The following WDR7 variants were observed in gnomAD, a reference collection of about 807,000 sequenced individuals.
WDR7 encodes WD repeat domain 7.
A neutral mutation model predicts 169.4 loss-of-function variants in WDR7; 46 were observed. That is an observed-to-expected ratio of 0.27 (90% CI 0.21 to 0.35). The LOEUF is 0.35. WDR7 is among the 10% of genes least tolerant of loss of function. The pLI is 1.00. For synonymous variants in WDR7, 612 were observed against 666.8 expected, an observed-to-expected ratio of 0.92 and a Z score of 1.27; for missense variants, 1,534 against 1,859.3, an observed-to-expected ratio of 0.83 and a Z score of 3.22.
chr18:56,889,254 T>C (rs1423670761), intron 21 of WDR7, among the ~76,000 whole-genome samples: 2 of 152,212 alleles, frequency 1.3e-5, no homozygotes, highest in Non-Finnish European at 2.9e-5. Context: ...CAGTTCTCTT[T>C]CTATTTTAAC....
At chr18:56,878,982 G>T (rs953212887) in intron 20 of WDR7, among the ~76,000 whole-genome samples, 2 of 152,134 alleles carry the variant, frequency 1.3e-5, no homozygotes, top group African/African-American at 4.8e-5. Context: ...GAAAGTAATG[G>T]CAAATACTGC....
chr18:56,723,643 G>C (rs1269400018), intron 13 of WDR7, among the ~76,000 whole-genome samples: 1 of 151,730 alleles, frequency 6.6e-6, no homozygotes, highest in African/African-American at 2.4e-5. Flanking sequence ...TTAATTACTG[G>C]TTTTGAGCAA....
At chr18:56,999,256 TAGA>T (rs937024557) in intron 26 of WDR7, among the ~76,000 whole-genome samples, 2 of 152,208 alleles carry the variant, frequency 1.3e-5, no homozygotes, top group African/African-American at 4.8e-5. Flanking sequence ...CTGTGTGTGT[TAGA>T]AGAAGCCTGG....
intron 20 of WDR7, among the ~76,000 whole-genome samples, chr18:56,844,496 T>A (rs1485501691): frequency 6.6e-6 from 1 of 152,198 alleles, no homozygotes; most frequent in Non-Finnish European, 1.5e-5. Flanking sequence ...AGACTCTAAA[T>A]TGAAATAAAA....
chr18:56,724,800 G>A lies in WDR7; in HGVS notation c.1775-6583G>A, dbSNP rs149381981. Among the ~76,000 whole-genome samples the A allele has an allele frequency of 3.7e-3, 562 of 151,724 alleles. 8 individuals carry two copies. The highest frequency in any genetic ancestry group is 0.013 in the African/African-American group (532 of 41,348). ...TATCTCCTAATGCTATCCCTCCCCC[G>A]CTCTCCCACCACCCCACAACAGGCC... On this transcript the variant is annotated intron_variant, in intron 13 of 27. Coordinates refer to ENST00000254442, the MANE Select transcript of WDR7 (RefSeq NM_015285.3).
intron 14 of WDR7, among the ~76,000 whole-genome samples, chr18:56,737,394 A>C (rs984059718): frequency 6.6e-6 from 1 of 152,184 alleles, no homozygotes; most frequent in Non-Finnish European, 1.5e-5. Flanking sequence ...CGTGAAATTA[A>C]TTTCTTCATC....
chr18:56,816,467 A>C (rs2145217287), intron 20 of WDR7, among the ~76,000 whole-genome samples: 1 of 152,346 alleles, frequency 6.6e-6, no homozygotes, highest in African/African-American at 2.4e-5. Flanking sequence ...ATACTCATTA[A>C]GTTTTGAAAG....
intron 5 of WDR7, among the ~76,000 whole-genome samples, chr18:56,684,644 C>T (rs983153490): frequency 1.7e-4 from 26 of 152,242 alleles, no homozygotes; most frequent in African/African-American, 5.8e-4. Flanking sequence ...CAGGCCTGCA[C>T]TAAAGTGGAC....
In WDR7 at chr18:56,997,708, G is replaced by C. The variant is rs560214605; in HGVS notation, c.4165-23037G>C. Among the ~76,000 whole-genome samples, 3 of 152,164 alleles carry C rather than the reference G, an allele frequency of 2.0e-5. No homozygotes were observed. The South Asian group carries it at 6.2e-4, about 32-fold the overall frequency. On this transcript the variant is annotated intron_variant, in intron 26 of 27. Transcript: ENST00000254442. ...TGGGATTTTTTTTGGCACTTGGATT[G>C]ATCTCTAGATTCCATCTTTTTCAGA...
chr18:56,806,245 T>A (rs769335841), intron 19 of WDR7, among the ~76,000 whole-genome samples: 21 of 152,170 alleles, frequency 1.4e-4, no homozygotes, highest in Non-Finnish European at 2.5e-4. Context: ...AGAATAACTA[T>A]CATTCAAAAA....
chr18:57,021,196 G>A (rs776812175), intron 27 of WDR7, among the ~76,000 whole-genome samples: 1 of 152,210 alleles, frequency 6.6e-6, no homozygotes, highest in Non-Finnish European at 1.5e-5. Flanking sequence ...CTTGAGTGAT[G>A]TGGAGGAAGG....
chr18:56,921,620 T>C (rs1047580688), intron 21 of WDR7, among the ~76,000 whole-genome samples: 1 of 152,184 alleles, frequency 6.6e-6, no homozygotes, highest in Non-Finnish European at 1.5e-5. Context: ...GCAGGCACTC[T>C]TGTGGCCCTT....
At chr18:56,789,275 T>G (rs2044448630) in intron 19 of WDR7, among the ~76,000 whole-genome samples, 1 of 152,252 alleles carries the variant, frequency 6.6e-6, no homozygotes, top group Non-Finnish European at 1.5e-5. Flanking sequence ...TGAACATTAG[T>G]CAAGTGGCAA....
At chr18:56,900,103 TATATATAA>T (rs2046382886) in intron 21 of WDR7, among the ~76,000 whole-genome samples, 3 of 146,528 alleles carry the variant, frequency 2.0e-5, no homozygotes, top group African/African-American at 5.0e-5. Flanking sequence ...TATATATATA[TATATATAA>T]AATTGTTAAT....
chr18:56,684,172 AT>A (rs1369860822), intron 5 of WDR7, among the ~76,000 whole-genome samples: 1 of 152,122 alleles, frequency 6.6e-6, no homozygotes, highest in Non-Finnish European at 1.5e-5. Flanking sequence ...TAAAATTATG[AT>A]AGGTGTATAT....
At chr18:56,941,037 T>A (rs1303938553) in intron 25 of WDR7, among the ~76,000 whole-genome samples, 2 of 151,952 alleles carry the variant, frequency 1.3e-5, no homozygotes, top group East Asian at 3.8e-4. Flanking sequence ...CGGAAAGGAG[T>A]TCTATTTTGT....
chr18:56,691,451 T>C, intron 8 of WDR7, 90 bp downstream of exon 8: 1 of 1,342,374 alleles, frequency 7.4e-7, no homozygotes, highest in Non-Finnish European at 9.8e-7. Context: ...ATGTATGTAT[T>C]ATAAATATTT....
In WDR7 at chr18:56,731,426, T is replaced by A; in HGVS notation, c.1818T>A (p.Ile606=). ...RCVMGITAVE[I]LNACDEAVPA... is the part of the protein sequence containing the mutation. The stretch of plus-strand genomic sequence containing the variant: ...TGATGGGGATAACAGCAGTTGAGAT[T>A]CTAAACGCTTGTGATGAAGCTGTTC... Residue 606 remains isoleucine, a synonymous_variant, in exon 14 of 28, where the codon ATT becomes ATA. Transcript: ENST00000254442. 6.2e-7 allele frequency: 1 copy of A among 1,614,192 alleles called. No individual in the cohort carries two copies. The highest frequency in any genetic ancestry group is 8.5e-7 in the Non-Finnish European group (1 of 1,180,036).
intron 20 of WDR7, among the ~76,000 whole-genome samples, chr18:56,820,085 T>C (rs918182380): frequency 2.7e-4 from 41 of 151,948 alleles, no homozygotes; most frequent in African/African-American, 9.4e-4. Flanking sequence ...TCTTTTATCA[T>C]GGTACAGTAT....
Sources: gnomAD v4.1 joint callset for allele counts (sites outside exome capture counted in the v4.1 genomes callset) on GRCh38, gnomAD v4.1.1 for gene constraint, MANE v1.5 for transcripts, NCBI Gene and HGNC (gene_info 2026-07-23, HGNC 2026-07-21) for gene names.